The following CFAP43 variants were observed in gnomAD, a reference collection of about 807,000 sequenced individuals.
CFAP43 encodes the protein cilia- and flagella-associated protein 43.
CFAP43 carries 155 observed loss-of-function variants against 218.9 expected under a neutral mutation model. The ratio of observed to expected loss-of-function variants is 0.71; its 90% confidence interval spans 0.62 to 0.81. The LOEUF (loss-of-function observed/expected upper bound fraction) is 0.81. Among genes scored for constraint, CFAP43 ranks in the 30% least tolerant of loss-of-function variants. The pLI is 0.00. For missense variants in CFAP43, 1,778 were observed against 1,954.3 expected (o/e 0.91, Z 1.70); for synonymous variants, 645 against 681.3 (o/e 0.95, Z 0.83).
chr10:104,142,923 C>T (rs1440195414), intron 32 of CFAP43, among the ~76,000 whole-genome samples: 3 of 152,090 alleles, frequency 2.0e-5, no homozygotes, highest in Non-Finnish European at 2.9e-5. Flanking sequence ...AAAAATATAA[C>T]GTGAGCCATA....
chr10:104,230,475 C>CA (rs2091420620), intron 2 of CFAP43, 115 bp downstream of exon 2: 2 of 1,383,844 alleles, frequency 1.4e-6, no homozygotes, highest in South Asian at 1.5e-5. Flanking sequence ...AAAACAAACA[C>CA]AAAAAACAAA....
Position 104,166,670 on chromosome 10 carries a change from G to C in CFAP43, c.2857C>G (p.Gln953Glu). Residue 953 changes from glutamine (Q) to glutamate (E), a missense_variant, in exon 23 of 38, where the codon CAG becomes GAG. Transcript: ENST00000357060. Reference sequence around the variant, plus strand: ...TCTTCATCATCCTCTTCATGACGCTGTTTAATCAACTTAACTCCAGACTGA... The same window carrying C: ...TCTTCATCATCCTCTTCATGACGCTCTTTAATCAACTTAACTCCAGACTGA... ...EAQSGVKLIK[Q>E]RHEEDDEEEE... 6.2e-7 allele frequency: 1 copy of C among 1,613,848 alleles called. No individual in the cohort carries two copies. The highest frequency in any genetic ancestry group is 8.5e-7 in the Non-Finnish European group (1 of 1,179,928).
chr10:104,168,317 G>A (rs1267345679), intron 21 of CFAP43, among the ~76,000 whole-genome samples: 1 of 152,128 alleles, frequency 6.6e-6, no homozygotes, highest in Non-Finnish European at 1.5e-5. Context: ...TGAGACTTTT[G>A]GTCACCCTAC....
chr10:104,213,802 TG>T (rs2090934170), intron 4 of CFAP43, among the ~76,000 whole-genome samples: 1 of 152,236 alleles, frequency 6.6e-6, no homozygotes, highest in Non-Finnish European at 1.5e-5. Context: ...CCCAGATTGC[TG>T]GGACTACAGG....
chr10:104,152,464 G>T, intron 28 of CFAP43, 143 bp downstream of exon 28: 1 of 1,119,252 alleles, frequency 8.9e-7, no homozygotes, highest in Non-Finnish European at 1.3e-6. Context: ...AGGGGAAGGT[G>T]CACAAGATGA....
chr10:104,161,242 A>C (rs2088855338), intron 26 of CFAP43, 80 bp from the exon 27 acceptor site: 3 of 1,475,462 alleles, frequency 2.0e-6, no homozygotes, highest in African/African-American at 1.4e-5. Flanking sequence ...GTTTTTTTTA[A>C]AAAGCCCTTT....
At chr10:104,195,438 C>A (rs943512664) in intron 10 of CFAP43, among the ~76,000 whole-genome samples, 8 of 152,160 alleles carry the variant, frequency 5.3e-5, no homozygotes, top group Non-Finnish European at 8.8e-5. Flanking sequence ...ATACATATAA[C>A]CCTTGGTCAC....
At chr10:104,191,788 GT>G (rs775623785) in intron 12 of CFAP43, among the ~76,000 whole-genome samples, 5,858 of 88,682 alleles carry the variant, frequency 0.066, 224 homozygotes, top group South Asian at 0.1. Context: ...AATTGTGTGT[GT>G]GGGGGGGGGG....
intron 2 of CFAP43, among the ~76,000 whole-genome samples, chr10:104,226,496 C>G (rs1296078148): frequency 6.6e-6 from 1 of 151,910 alleles, no homozygotes; most frequent in African/African-American, 2.4e-5. Flanking sequence ...ACGTTTCCCC[C>G]CACAATTGAA....
At chr10:104,187,605 T>G in intron 13 of CFAP43, 113 bp from the exon 14 acceptor site, 1 of 885,938 alleles carries the variant, frequency 1.1e-6, no homozygotes, top group South Asian at 2.6e-5. Flanking sequence ...TCAACTAATA[T>G]TGCGGAAGCT....
At chr10:104,192,481 T>C in intron 11 of CFAP43, 179 bp from the exon 12 acceptor site, 1 of 563,496 alleles carries the variant, frequency 1.8e-6, no homozygotes, top group South Asian at 2.2e-5. Flanking sequence ...ATCATTGTAC[T>C]TTAGGCCAAT....
In CFAP43 at chr10:104,180,713, G is replaced by A. The variant is rs568376388; in HGVS notation, c.2290-781C>T. 6.6e-5 allele frequency among the ~76,000 whole-genome samples: 10 copies of A among 152,208 alleles called. No homozygotes were observed. In the South Asian group the frequency reaches 2.1e-3, roughly 32 times the overall value. ...GCCCACCTCGGCCTCCCAAAGTGCTGGGATTACAGGTGTGTGCCAACCACC... is the reference window on the plus strand; with the variant it reads ...GCCCACCTCGGCCTCCCAAAGTGCTAGGATTACAGGTGTGTGCCAACCACC... On this transcript the variant is annotated intron_variant, in intron 17 of 37. Coordinates refer to ENST00000357060, the MANE Select transcript of CFAP43 (RefSeq NM_025145.7).
At position 104,186,025 on chromosome 10, in the gene CFAP43, G is replaced by A; in HGVS notation, c.1959C>T (p.Leu653=). The A allele has an allele frequency of 1.2e-6, 2 of 1,610,906 alleles. No homozygotes were observed. Among genetic ancestry groups the A allele is most frequent in the Non-Finnish European group, 1.7e-6 (2 of 1,179,216 alleles). ...LLYLSSHGLW[L]ITIAKCGILC... ...GAATTCCACATTTAGCTATTGTTAT[G>A]AGCCACAATCCATGTGAAGACAGAT... is the stretch of plus-strand genomic sequence containing the variant. The change falls in exon 15 of 38, where the codon CTC becomes CTT. Residue 653 remains leucine, a synonymous_variant. Coordinates refer to ENST00000357060, the MANE Select transcript of CFAP43 (RefSeq NM_025145.7).
chr10:104,142,122 T>C (rs973798340), intron 33 of CFAP43, among the ~76,000 whole-genome samples, 159 bp downstream of exon 33: 4 of 152,238 alleles, frequency 2.6e-5, no homozygotes, highest in African/African-American at 9.6e-5. Flanking sequence ...AAGGTCTATG[T>C]AACAAAGCAG....
intron 12 of CFAP43, among the ~76,000 whole-genome samples, chr10:104,188,930 A>C (rs1210264597): frequency 2.0e-5 from 3 of 152,108 alleles, no homozygotes; most frequent in Non-Finnish European, 4.4e-5. Flanking sequence ...TTTGTTCCAG[A>C]TTCACTCTCC....
chr10:104,208,485 C>T (rs1189291138), intron 5 of CFAP43, among the ~76,000 whole-genome samples: 1 of 151,860 alleles, frequency 6.6e-6, no homozygotes, highest in Non-Finnish European at 1.5e-5. Context: ...ATTACTTTTT[C>T]ATCAATAAAT....
At chr10:104,136,151 T>C (rs553215944) in intron 34 of CFAP43, among the ~76,000 whole-genome samples, 2 of 147,734 alleles carry the variant, frequency 1.4e-5, no homozygotes, top group South Asian at 2.1e-4. Context: ...CTCAGGAGGC[T>C]GAGGCAGGAG....
At chr10:104,191,165 A>G (rs1000251300) in intron 12 of CFAP43, among the ~76,000 whole-genome samples, 15 of 152,186 alleles carry the variant, frequency 9.9e-5, no homozygotes, top group Non-Finnish European at 2.2e-4. Context: ...TATCAGAGTC[A>G]GTCTCTAAAA....
At chr10:104,175,544 T>C (rs2089596779) in intron 19 of CFAP43, among the ~76,000 whole-genome samples, 1 of 152,200 alleles carries the variant, frequency 6.6e-6, no homozygotes, top group Non-Finnish European at 1.5e-5. Flanking sequence ...GGGGCATTTG[T>C]AGACATGATG....
Sources: gnomAD v4.1 joint callset for allele counts (sites outside exome capture counted in the v4.1 genomes callset) on GRCh38, gnomAD v4.1.1 for gene constraint, MANE v1.5 for transcripts, NCBI Gene and HGNC (gene_info 2026-07-23, HGNC 2026-07-21) for gene names.